ADCY8: variants seen among roughly 807,000 people sequenced by gnomAD.
ADCY8 encodes the protein adenylate cyclase type 8.
ADCY8 carries 51 observed loss-of-function variants against 119.7 expected under a neutral mutation model. The observed-to-expected ratio is 0.43, with a 90% CI of 0.34 to 0.54. The LOEUF (loss-of-function observed/expected upper bound fraction) is 0.54, where lower values mean the gene tolerates loss of function less well. Among genes scored for constraint, ADCY8 ranks in the 20% least tolerant of loss-of-function variants. The pLI, the probability that ADCY8 is intolerant of heterozygous loss-of-function variation, is 0.03. For missense variants in ADCY8, 1,383 were observed against 1,598.8 expected (o/e 0.87, Z 2.30); for synonymous variants, 665 against 651.0 (o/e 1.02, Z -0.33).
chr8:130,840,586 A>G (rs1378031086), intron 11 of ADCY8, among the ~76,000 whole-genome samples: 1 of 152,206 alleles, frequency 6.6e-6, no homozygotes, highest in African/African-American at 2.4e-5. Flanking sequence ...TATATATACT[A>G]TGATTACAAG....
At chr8:130,799,434 A>T (rs16904361) in intron 15 of ADCY8, among the ~76,000 whole-genome samples, 15,291 of 152,278 alleles carry the variant, frequency 0.1, 911 homozygotes, top group Admixed American at 0.16. Context: ...CTGGACTCAG[A>T]AGCTGGATTG....
intron 12 of ADCY8, among the ~76,000 whole-genome samples, chr8:130,821,712 T>A (rs891529511): frequency 2.0e-5 from 3 of 152,202 alleles, no homozygotes; most frequent in African/African-American, 7.2e-5. Flanking sequence ...GAACACATTT[T>A]ATAGATTTTA....
At chr8:130,985,982 G>T (rs1329722991) in intron 2 of ADCY8, among the ~76,000 whole-genome samples, 1 of 152,094 alleles carries the variant, frequency 6.6e-6, no homozygotes, top group East Asian at 1.9e-4. Context: ...CCATAAGGAG[G>T]TTTATACAAT....
intron 2 of ADCY8, among the ~76,000 whole-genome samples, chr8:130,973,152 G>A (rs899906815): frequency 1.4e-4 from 21 of 152,264 alleles, no homozygotes; most frequent in African/African-American, 3.4e-4. Context: ...CTGTAGGTAC[G>A]TGTGTTTTTT....
intron 5 of ADCY8, among the ~76,000 whole-genome samples, chr8:130,921,614 T>C (rs545845763): frequency 6.6e-6 from 1 of 151,988 alleles, no homozygotes; most frequent in South Asian, 2.1e-4. Flanking sequence ...CCACCATGCC[T>C]GGCTAATTTT....
At chr8:130,801,282 T>C (rs1404452168) in intron 14 of ADCY8, among the ~76,000 whole-genome samples, 1 of 152,118 alleles carries the variant, frequency 6.6e-6, no homozygotes, top group Admixed American at 6.6e-5. Flanking sequence ...CAGTGGATGA[T>C]CTTACCTTTC....
At chr8:130,816,092 C>T (rs914092856) in intron 13 of ADCY8, among the ~76,000 whole-genome samples, 6 of 152,180 alleles carry the variant, frequency 3.9e-5, no homozygotes, top group African/African-American at 1.2e-4. Context: ...GTTCAGATAG[C>T]TTCTTTTCTT....
intron 1 of ADCY8, among the ~76,000 whole-genome samples, chr8:131,033,887 G>A (rs544378743): frequency 3.9e-5 from 6 of 152,026 alleles, no homozygotes; most frequent in African/African-American, 9.6e-5. Context: ...TCCATTTCTC[G>A]GTGTTCAGAG....
rs183258834 is a variant in ADCY8 at position 130,847,108 on chromosome 8, G to A, written c.2502+316C>T. Reference sequence around the variant, plus strand: ...AATGCATAGAGAAGGAAGAGATAAGGGCAAATGGAAAATGGATAGAAGGAA... The same window carrying A: ...AATGCATAGAGAAGGAAGAGATAAGAGCAAATGGAAAATGGATAGAAGGAA... On this transcript the variant is annotated intron_variant, in intron 11 of 17. Coordinates refer to ENST00000286355, the MANE Select transcript of ADCY8 (RefSeq NM_001115.3). 7.6e-3 allele frequency among the ~76,000 whole-genome samples: 1,153 copies of A among 151,930 alleles called. 22 individuals are homozygous for A. Among genetic ancestry groups the A allele is most frequent in the Admixed American group, 0.035 (535 of 15,216 alleles).
chr8:130,918,406 G>T (rs1440922584), intron 5 of ADCY8, among the ~76,000 whole-genome samples: 1 of 152,144 alleles, frequency 6.6e-6, no homozygotes, highest in Non-Finnish European at 1.5e-5. Context: ...CTCATCTCCA[G>T]ATACTGTTAT....
intron 15 of ADCY8, among the ~76,000 whole-genome samples, chr8:130,798,737 T>C (rs1815668324): frequency 6.6e-6 from 1 of 152,116 alleles, no homozygotes; most frequent in South Asian, 2.1e-4. Context: ...AAAAGCAGCA[T>C]TGATGGTGAG....
Position 131,040,509 on chromosome 8 carries a change from A to C in ADCY8, c.-176T>G. 1 of 636,048 alleles carries C rather than the reference A, an allele frequency of 1.6e-6. No homozygotes were observed. Among genetic ancestry groups the C allele is most frequent in the Non-Finnish European group, 2.3e-6 (1 of 437,178 alleles). 39.4% of individuals were successfully genotyped at this position (636,048 alleles called of 1,614,324 possible). A position where few individuals can be genotyped will look rare whatever the true frequency, so the allele number is the denominator to read the frequency against. On this transcript the variant is annotated 5_prime_UTR_variant, in exon 1 of 18. Coordinates refer to ENST00000286355, the MANE Select transcript of ADCY8 (RefSeq NM_001115.3). Reference sequence around the variant, plus strand: ...CTGTAGGTCGGGTCATACTGTGCCCAGGGGCAAAGGGCACCTGGAAGATCG... The same window carrying C: ...CTGTAGGTCGGGTCATACTGTGCCCCGGGGCAAAGGGCACCTGGAAGATCG...
chr8:130,973,283 T>G (rs1462888994), intron 2 of ADCY8, among the ~76,000 whole-genome samples: 1 of 152,264 alleles, frequency 6.6e-6, no homozygotes, highest in Non-Finnish European at 1.5e-5. Context: ...CCTTACATGT[T>G]GATTCTTGGC....
At chr8:130,924,902 T>A (rs940670143) in intron 5 of ADCY8, among the ~76,000 whole-genome samples, 10 of 152,164 alleles carry the variant, frequency 6.6e-5, no homozygotes, top group Admixed American at 5.9e-4. Context: ...ATCTGGGATA[T>A]AGTTAGTGTT....
chr8:130,834,326 A>G (rs1816922597), intron 12 of ADCY8, among the ~76,000 whole-genome samples: 1 of 152,222 alleles, frequency 6.6e-6, no homozygotes, highest in Non-Finnish European at 1.5e-5. Flanking sequence ...AAGCTTACAC[A>G]TAATCAGAGA....
intron 14 of ADCY8, among the ~76,000 whole-genome samples, chr8:130,809,415 T>G (rs1563673563): frequency 6.6e-6 from 1 of 152,238 alleles, no homozygotes; most frequent in African/African-American, 2.4e-5. Flanking sequence ...CTTGTCTCTT[T>G]GTACTTATGA....
chr8:130,968,218 T>A (rs2130698929), intron 2 of ADCY8, among the ~76,000 whole-genome samples: 1 of 151,982 alleles, frequency 6.6e-6, no homozygotes, highest in South Asian at 2.1e-4. Context: ...TCACCCAGGC[T>A]GGAGTGCAGT....
At chr8:130,823,646 T>A (rs1042464552) in intron 12 of ADCY8, among the ~76,000 whole-genome samples, 2 of 152,186 alleles carry the variant, frequency 1.3e-5, no homozygotes, top group Non-Finnish European at 2.9e-5. Context: ...TCTTATCTGA[T>A]GTATCACAAA....
intron 12 of ADCY8, among the ~76,000 whole-genome samples, chr8:130,829,089 C>T (rs1049576068): frequency 1.3e-5 from 2 of 152,160 alleles, no homozygotes; most frequent in African/African-American, 4.8e-5. Context: ...GTGACAAATC[C>T]CAATTACCTA....
Sources: allele counts gnomAD v4.1 joint callset (sites outside exome capture counted in the v4.1 genomes callset), GRCh38; gene constraint gnomAD v4.1.1; transcripts MANE v1.5; gene names NCBI Gene and HGNC (gene_info 2026-07-23, HGNC 2026-07-21).